The following GSE1 variants were observed in gnomAD, a reference collection of about 807,000 sequenced individuals.
GSE1 encodes genetic suppressor element 1.
Under a neutral mutation model 112.6 loss-of-function variants are expected in GSE1, and 32 were observed. That is an observed-to-expected ratio of 0.28 (90% CI 0.21 to 0.38). The LOEUF is 0.38. Among genes scored for constraint, GSE1 ranks in the 10% least tolerant of loss-of-function variants. The probability of loss-of-function intolerance (pLI) is 1.00; values close to 1 mark genes in which losing one functional copy is unlikely to be tolerated. For synonymous variants in GSE1, 1,115 were observed against 735.6 expected, an observed-to-expected ratio of 1.52 and a Z score of -8.35; for missense variants, 2,348 against 1,699.2, an observed-to-expected ratio of 1.38 and a Z score of -6.71.
intron 2 of GSE1, among the ~76,000 whole-genome samples, chr16:85,512,799 C>T (rs1455894038): frequency 6.6e-6 from 1 of 152,156 alleles, no homozygotes; most frequent in Non-Finnish European, 1.5e-5. Flanking sequence ...CTAATTTAAT[C>T]GCAGGTCCGA....
At chr16:85,203,810 T>G (rs1352611544) in intron 1 of GSE1, among the ~76,000 whole-genome samples, 1 of 152,220 alleles carries the variant, frequency 6.6e-6, no homozygotes, top group Non-Finnish European at 1.5e-5. Flanking sequence ...TGATCTCAGC[T>G]CACTGTAGCC....
At chr16:85,607,677 G>A (rs1358799078), upstream of GSE1, among the ~76,000 whole-genome samples, 3 of 152,218 alleles carry the variant, frequency 2.0e-5, no homozygotes, top group Admixed American at 6.5e-5. Context: ...CATCCCTGGC[G>A]AATCTGGTTC....
intron 1 of GSE1, among the ~76,000 whole-genome samples, chr16:85,179,366 T>G (rs976888318): frequency 6.6e-6 from 1 of 152,150 alleles, no homozygotes; most frequent in Non-Finnish European, 1.5e-5. Flanking sequence ...AGAACGCCGT[T>G]GTATGGATGG....
upstream of GSE1, among the ~76,000 whole-genome samples, chr16:85,553,856 C>G (rs1198241531): frequency 1.3e-5 from 2 of 152,178 alleles, no homozygotes; most frequent in African/African-American, 2.4e-5. Context: ...GTTCAACTGT[C>G]ATTTGAAGCC....
At chr16:85,581,548 G>C (rs1344607651) in intron 1 of GSE1, among the ~76,000 whole-genome samples, 1 of 152,166 alleles carries the variant, frequency 6.6e-6, no homozygotes, top group African/African-American at 2.4e-5. Flanking sequence ...AGACCCCAAG[G>C]CAGGACCCTG....
At chr16:85,585,415 C>T (rs577933655) in intron 1 of GSE1, among the ~76,000 whole-genome samples, 6 of 152,348 alleles carry the variant, frequency 3.9e-5, no homozygotes, top group Non-Finnish European at 7.3e-5. Flanking sequence ...AGGCATGACC[C>T]CTGAGCTTGG....
At chr16:85,240,342 C>T (rs1370794466) in intron 1 of GSE1, among the ~76,000 whole-genome samples, 1 of 152,092 alleles carries the variant, frequency 6.6e-6, no homozygotes, top group Non-Finnish European at 1.5e-5. Flanking sequence ...CGCACAGCCA[C>T]AGCCAGAGCC....
chr16:85,188,803 T>G (rs2074762047), intron 1 of GSE1, among the ~76,000 whole-genome samples: 1 of 129,686 alleles, frequency 7.7e-6, no homozygotes, highest in African/African-American at 2.8e-5. Context: ...CTTATCTCTA[T>G]CTTAAAAAAA....
intron 2 of GSE1, among the ~76,000 whole-genome samples, chr16:85,477,124 C>T (rs1182118271): frequency 3.9e-5 from 6 of 152,054 alleles, no homozygotes; most frequent in Admixed American, 2.0e-4. Flanking sequence ...AACGGGGTTT[C>T]GCCATGTTGG....
intron 1 of GSE1, among the ~76,000 whole-genome samples, chr16:85,339,540 C>T (rs1006401453): frequency 1.1e-4 from 17 of 151,206 alleles, no homozygotes; most frequent in South Asian, 1.0e-3. Flanking sequence ...TCAGGGAAGG[C>T]GGCAGTGAAA....
chr16:85,490,095 T>C (rs925611233), intron 2 of GSE1: 5 of 152,384 alleles, frequency 3.3e-5, no homozygotes, highest in Admixed American at 2.6e-4. Flanking sequence ...TCCTGTGTTA[T>C]GGTGGGCCCT....
chr16:85,649,822 C>A (rs561082457), intron 3 of GSE1, among the ~76,000 whole-genome samples: 1 of 152,272 alleles, frequency 6.6e-6, no homozygotes, highest in South Asian at 2.1e-4. Flanking sequence ...CCCTCTCCCC[C>A]AGGGGAGGAC....
chr16:85,496,148 G>A (rs1445001424), intron 2 of GSE1, among the ~76,000 whole-genome samples: 1 of 152,202 alleles, frequency 6.6e-6, no homozygotes, highest in African/African-American at 2.4e-5. Context: ...GCCCGAGCCT[G>A]CGGTGACAGT....
chr16:85,339,190 C>G (rs145616455), intron 1 of GSE1, among the ~76,000 whole-genome samples: 1 of 152,186 alleles, frequency 6.6e-6, no homozygotes, highest in Admixed American at 6.5e-5. Context: ...TAGTAGTTCT[C>G]ATGGCTATTT....
chr16:85,326,704 G>T (rs953380293), intron 1 of GSE1, among the ~76,000 whole-genome samples: 1 of 152,118 alleles, frequency 6.6e-6, no homozygotes, highest in Non-Finnish European at 1.5e-5. Flanking sequence ...CGGATATTTC[G>T]CCATAGCAGC....
At chr16:85,332,925 G>A (rs552640326) in intron 1 of GSE1, among the ~76,000 whole-genome samples, 1 of 152,068 alleles carries the variant, frequency 6.6e-6, no homozygotes, top group East Asian at 2.0e-4. Context: ...TACCAGCCGG[G>A]GCCTTTGTGA....
intron 1 of GSE1, among the ~76,000 whole-genome samples, chr16:85,348,012 A>G (rs1156572588): frequency 6.6e-6 from 1 of 152,134 alleles, no homozygotes; most frequent in Non-Finnish European, 1.5e-5. Context: ...TTTATGTAGC[A>G]AAGGCATTCA....
intron 2 of GSE1, among the ~76,000 whole-genome samples, chr16:85,432,565 A>T (rs1458092557): frequency 6.6e-6 from 1 of 152,140 alleles, no homozygotes; most frequent in Non-Finnish European, 1.5e-5. Context: ...GCAAGCACAT[A>T]TGTTGCACGT....
At chr16:85,187,565 G>C (rs1037458318) in intron 1 of GSE1, among the ~76,000 whole-genome samples, 1 of 152,252 alleles carries the variant, frequency 6.6e-6, no homozygotes, top group Non-Finnish European at 1.5e-5. Flanking sequence ...TCCCTTTCCT[G>C]TGACAGAGAA....
Sources: gnomAD v4.1 joint callset for allele counts (sites outside exome capture counted in the v4.1 genomes callset) on GRCh38, gnomAD v4.1.1 for gene constraint, MANE v1.5 for transcripts, NCBI Gene and HGNC (gene_info 2026-07-23, HGNC 2026-07-21) for gene names.